ADAMTS17: variants seen among roughly 807,000 people sequenced by gnomAD.
ADAMTS17 encodes ADAM metallopeptidase with thrombospondin type 1 motif 17.
Under a neutral mutation model 141.5 loss-of-function variants are expected in ADAMTS17, and 113 were observed. The ratio of observed to expected loss-of-function variants is 0.80; its 90% confidence interval spans 0.69 to 0.93. The LOEUF (loss-of-function observed/expected upper bound fraction) is 0.93. Among genes scored for constraint, ADAMTS17 ranks in the 40% least tolerant of loss-of-function variants. ADAMTS17 has a pLI of 0.00. For synonymous variants in ADAMTS17, 768 were observed against 630.6 expected, an observed-to-expected ratio of 1.22 and a Z score of -3.27; for missense variants, 1,659 against 1,517.9, an observed-to-expected ratio of 1.09 and a Z score of -1.54.
chr15:100,292,378 CTCACCCCGTGTGAAATTACGAGAG>C (rs2044668722), intron 3 of ADAMTS17, among the ~76,000 whole-genome samples: 1 of 150,110 alleles, frequency 6.7e-6, no homozygotes. Flanking sequence ...ACGAGAGATG[CTCACCCCGTGTGAAATTACGAGAG>C]ACACTCACCC....
intron 20 of ADAMTS17, among the ~76,000 whole-genome samples, chr15:99,983,140 T>C (rs911595439): frequency 2.0e-5 from 3 of 152,074 alleles, no homozygotes; most frequent in African/African-American, 4.8e-5. Flanking sequence ...CTAGCTTCTT[T>C]AATAATAACA....
At chr15:100,110,275 A>T (rs186852464) in intron 13 of ADAMTS17, among the ~76,000 whole-genome samples, 22,099 of 145,222 alleles carry the variant, frequency 0.15, 1,832 homozygotes, top group Admixed American at 0.2. Context: ...ATATATATAT[A>T]TTTTTTTGAG....
At chr15:100,340,140 C>A (rs1596558410) in intron 2 of ADAMTS17, among the ~76,000 whole-genome samples, 1 of 152,260 alleles carries the variant, frequency 6.6e-6, no homozygotes, top group Non-Finnish European at 1.5e-5. Flanking sequence ...TCGCTGGGGG[C>A]AGCCCATCTG....
At chr15:100,278,840 TG>T (rs1442070170) in intron 4 of ADAMTS17, among the ~76,000 whole-genome samples, 1 of 152,292 alleles carries the variant, frequency 6.6e-6, no homozygotes, top group East Asian at 1.9e-4. Flanking sequence ...AGGCTTGACA[TG>T]GTGGTCATAG....
chr15:100,116,765 C>G, intron 13 of ADAMTS17, 82 bp downstream of exon 13: 1 of 1,593,128 alleles, frequency 6.3e-7, no homozygotes, highest in Non-Finnish European at 8.6e-7. Context: ...GAAAGGGATG[C>G]CCCCCGGCTT....
chr15:100,090,728 C>G (rs1011676714), intron 15 of ADAMTS17, among the ~76,000 whole-genome samples: 1 of 152,132 alleles, frequency 6.6e-6, no homozygotes, highest in Admixed American at 6.5e-5. Context: ...AGGAAACCAG[C>G]TGGGCGCAGT....
chr15:100,114,930 A>G (rs1172412154), intron 13 of ADAMTS17, among the ~76,000 whole-genome samples: 1 of 152,232 alleles, frequency 6.6e-6, no homozygotes, highest in African/African-American at 2.4e-5. Context: ...TTTCAGTGGG[A>G]TTTCTGTGCT....
intron 4 of ADAMTS17, among the ~76,000 whole-genome samples, chr15:100,279,549 C>T (rs2044213829): frequency 1.3e-5 from 2 of 152,352 alleles, no homozygotes; most frequent in Admixed American, 1.3e-4. Flanking sequence ...CGCGTCACTC[C>T]CTTCCATAAG....
chr15:100,048,659 T>G (rs1275704478), intron 18 of ADAMTS17, among the ~76,000 whole-genome samples, 198 bp downstream of exon 18: 2 of 141,688 alleles, frequency 1.4e-5, no homozygotes, highest in East Asian at 4.4e-4. Context: ...TGCCTTCCAG[T>G]GAAGGTTGTA....
chr15:100,149,131 C>T (rs536937838), intron 10 of ADAMTS17, among the ~76,000 whole-genome samples: 7 of 152,360 alleles, frequency 4.6e-5, no homozygotes, highest in African/African-American at 1.7e-4. Flanking sequence ...AACCACAACA[C>T]AGTCCTACAA....
At chr15:100,140,082 G>A (rs372379651) in intron 10 of ADAMTS17, among the ~76,000 whole-genome samples, 4 of 152,016 alleles carry the variant, frequency 2.6e-5, no homozygotes, top group East Asian at 1.9e-4. Flanking sequence ...TGCAACCTCC[G>A]CCTCCTGGGT....
intron 3 of ADAMTS17, among the ~76,000 whole-genome samples, chr15:100,284,195 C>T (rs192849361): frequency 2.0e-5 from 3 of 152,334 alleles, no homozygotes; most frequent in Non-Finnish European, 4.4e-5. Flanking sequence ...AAGACCTGTG[C>T]CTCCCTAGGC....
intron 14 of ADAMTS17, among the ~76,000 whole-genome samples, chr15:100,099,574 T>A (rs1333699882): frequency 6.6e-6 from 1 of 152,230 alleles, no homozygotes; most frequent in African/African-American, 2.4e-5. Flanking sequence ...GATCCTTAGT[T>A]ACTTTCCTAG....
chr15:100,044,860 T>A (rs1157187008), intron 18 of ADAMTS17, among the ~76,000 whole-genome samples: 1 of 150,858 alleles, frequency 6.6e-6, no homozygotes, highest in African/African-American at 2.4e-5. Context: ...CAGGCTGGAG[T>A]ACAGTGGCGT....
chr15:100,050,763 C>A (rs956790487), intron 17 of ADAMTS17, among the ~76,000 whole-genome samples: 5 of 152,224 alleles, frequency 3.3e-5, no homozygotes, highest in Non-Finnish European at 7.3e-5. Context: ...GAGTCCAGGT[C>A]AACCTTCTGT....
intron 3 of ADAMTS17, among the ~76,000 whole-genome samples, chr15:100,320,650 T>C (rs529135937): frequency 6.6e-6 from 1 of 152,228 alleles, no homozygotes; most frequent in East Asian, 1.9e-4. Context: ...CTGGGCTACA[T>C]GGTGAAACCC....
chr15:100,225,160 G>T (rs767188585), intron 7 of ADAMTS17, among the ~76,000 whole-genome samples: 6 of 152,216 alleles, frequency 3.9e-5, no homozygotes, highest in Non-Finnish European at 7.3e-5. Context: ...TCCAAGATTG[G>T]AAACATACTT....
At chr15:100,021,620 T>C (rs1384200342) in intron 18 of ADAMTS17, among the ~76,000 whole-genome samples, 1 of 152,366 alleles carries the variant, frequency 6.6e-6, no homozygotes, top group Admixed American at 6.5e-5. Flanking sequence ...GCCAGTCTGA[T>C]GATTTACTCA....
chr15:100,029,152 T>A (rs995422351), intron 18 of ADAMTS17, among the ~76,000 whole-genome samples: 5 of 152,144 alleles, frequency 3.3e-5, no homozygotes, highest in Admixed American at 6.5e-5. Context: ...CCATCTTATG[T>A]CTTGTTGGGT....
Sources: gnomAD v4.1 joint callset for allele counts (sites outside exome capture counted in the v4.1 genomes callset) on GRCh38, gnomAD v4.1.1 for gene constraint, MANE v1.5 for transcripts, NCBI Gene and HGNC (gene_info 2026-07-23, HGNC 2026-07-21) for gene names.